ARHGAP15: variants seen among roughly 807,000 people sequenced by gnomAD.
The protein encoded by ARHGAP15 is rho GTPase-activating protein 15.
In ARHGAP15, 51 loss-of-function variants were observed where a neutral mutation model predicts 63.7. That is an observed-to-expected ratio of 0.80 (90% CI 0.64 to 1.01). The LOEUF is 1.01. ARHGAP15 is among the 50% of genes least tolerant of loss of function. ARHGAP15 has a pLI of 0.00. For missense variants in ARHGAP15, 560 were observed against 564.6 expected, an observed-to-expected ratio of 0.99 and a Z score of 0.08; for synonymous variants, 191 against 193.8, an observed-to-expected ratio of 0.99 and a Z score of 0.12.
chr2:143,605,084 T>C (rs1184522760), intron 11 of ARHGAP15, among the ~76,000 whole-genome samples: 1 of 152,128 alleles, frequency 6.6e-6, no homozygotes. Flanking sequence ...AAGTTTTGTA[T>C]TTTTAGTAGA....
chr2:143,318,535 T>TC (rs1553463280), intron 6 of ARHGAP15, among the ~76,000 whole-genome samples: 44 of 123,394 alleles, frequency 3.6e-4, no homozygotes, highest in African/African-American at 8.2e-4. Context: ...TTTTTTTTTT[T>TC]CGAACAGTCA....
chr2:143,498,345 C>A (rs1692911162), intron 9 of ARHGAP15, among the ~76,000 whole-genome samples: 1 of 152,052 alleles, frequency 6.6e-6, no homozygotes, highest in African/African-American at 2.4e-5. Context: ...ATTTTCTATT[C>A]TTCTCTGTGG....
At chr2:143,559,564 T>C (rs1284640338) in intron 11 of ARHGAP15, among the ~76,000 whole-genome samples, 3 of 152,240 alleles carry the variant, frequency 2.0e-5, no homozygotes. Flanking sequence ...ATAAGTGAAA[T>C]GCATATACCA....
intron 13 of ARHGAP15, among the ~76,000 whole-genome samples, chr2:143,751,632 C>T (rs1686377889): frequency 6.6e-6 from 1 of 152,146 alleles, no homozygotes; most frequent in East Asian, 1.9e-4. Flanking sequence ...TCGAGACTCC[C>T]CTCATCCTCA....
In ARHGAP15 at chr2:143,204,979, G is replaced by A. The variant is rs538064394; in HGVS notation, c.234+2777G>A. On this transcript the variant is annotated intron_variant, in intron 3 of 13. Transcript: ENST00000295095. The stretch of plus-strand genomic sequence containing the variant: ...CAAAAACAAACAAACAAAACCCATA[G>A]TGGCCAGGTGTGGTGGCTCATGCCT... Among the ~76,000 whole-genome samples, 6 of 151,806 alleles carry A rather than the reference G, an allele frequency of 4.0e-5. No individual in the cohort carries two copies. The South Asian group carries it at 1.0e-3, about 26-fold the overall frequency.
intron 9 of ARHGAP15, among the ~76,000 whole-genome samples, chr2:143,497,513 G>A (rs765885983): frequency 1.1e-4 from 16 of 152,198 alleles, no homozygotes; most frequent in Admixed American, 7.9e-4. Flanking sequence ...TTCTTGTACC[G>A]CATAGTTCCC....
At chr2:143,510,208 G>A (rs761605743) in intron 9 of ARHGAP15, among the ~76,000 whole-genome samples, 6 of 151,906 alleles carry the variant, frequency 3.9e-5, no homozygotes, top group Admixed American at 6.6e-5. Context: ...TCCAATATCC[G>A]CTGCCTCTCT....
At chr2:143,581,643 G>A (rs1016582681) in intron 11 of ARHGAP15, among the ~76,000 whole-genome samples, 2 of 152,082 alleles carry the variant, frequency 1.3e-5, no homozygotes, top group African/African-American at 4.8e-5. Flanking sequence ...TACCTCTACT[G>A]CCTGGCAAAG....
At chr2:143,651,931 T>A (rs1013039743) in intron 12 of ARHGAP15, among the ~76,000 whole-genome samples, 1 of 152,044 alleles carries the variant, frequency 6.6e-6, no homozygotes, top group Non-Finnish European at 1.5e-5. Flanking sequence ...TATAGAGTTT[T>A]GAGAGTTATT....
chr2:143,176,754 C>A (rs1010185727), intron 2 of ARHGAP15, among the ~76,000 whole-genome samples: 1 of 152,238 alleles, frequency 6.6e-6, no homozygotes, highest in African/African-American at 2.4e-5. Flanking sequence ...GCAGGATTCA[C>A]AAGGCAAGGC....
At chr2:143,145,998 A>G (rs1046140937) in intron 1 of ARHGAP15, among the ~76,000 whole-genome samples, 1 of 151,738 alleles carries the variant, frequency 6.6e-6, no homozygotes, top group African/African-American at 2.4e-5. Flanking sequence ...TAAAGTTGAA[A>G]CAACTCATTT....
intron 2 of ARHGAP15, among the ~76,000 whole-genome samples, chr2:143,182,485 G>T (rs1419033580): frequency 6.6e-6 from 1 of 152,174 alleles, no homozygotes; most frequent in Non-Finnish European, 1.5e-5. Flanking sequence ...TTTCCCTAAG[G>T]GGTGTGCATG....
chr2:143,645,729 T>C (rs1454180151), intron 12 of ARHGAP15, among the ~76,000 whole-genome samples: 1 of 152,086 alleles, frequency 6.6e-6, no homozygotes, highest in African/African-American at 2.4e-5. Context: ...GCGATACTAT[T>C]GAAGCATCAC....
intron 2 of ARHGAP15, among the ~76,000 whole-genome samples, chr2:143,178,034 A>C: frequency 6.6e-6 from 1 of 152,352 alleles, no homozygotes; most frequent in South Asian, 2.1e-4. Flanking sequence ...GGAATTAAAA[A>C]AATTTTTAAG....
At chr2:143,525,163 G>T (rs1313843209) in intron 10 of ARHGAP15, among the ~76,000 whole-genome samples, 1 of 152,020 alleles carries the variant, frequency 6.6e-6, no homozygotes. Context: ...TATTATAGTT[G>T]GATCCAGGCA....
At chr2:143,270,259 T>C (rs988415030) in intron 6 of ARHGAP15, among the ~76,000 whole-genome samples, 1 of 152,244 alleles carries the variant, frequency 6.6e-6, no homozygotes, top group Non-Finnish European at 1.5e-5. Flanking sequence ...ACATATTTTT[T>C]ATGAAACTTC....
chr2:143,175,595 C>T (rs1331009055), intron 2 of ARHGAP15, among the ~76,000 whole-genome samples: 1 of 152,142 alleles, frequency 6.6e-6, no homozygotes, highest in East Asian at 1.9e-4. Flanking sequence ...CCGCATAGCA[C>T]AGTGAAGAAA....
At chr2:143,185,745 A>C (rs1691421995) in intron 2 of ARHGAP15, among the ~76,000 whole-genome samples, 1 of 152,190 alleles carries the variant, frequency 6.6e-6, no homozygotes, top group South Asian at 2.1e-4. Context: ...TTCATAAACC[A>C]GGTAAAAGTG....
intron 11 of ARHGAP15, among the ~76,000 whole-genome samples, chr2:143,557,802 C>T (rs1304588841): frequency 7.2e-5 from 11 of 151,732 alleles, no homozygotes; most frequent in East Asian, 3.9e-4. Context: ...TCTATTAATT[C>T]GAAAAGTAAA....
Sources: allele counts gnomAD v4.1 joint callset (sites outside exome capture counted in the v4.1 genomes callset), GRCh38; gene constraint gnomAD v4.1.1; transcripts MANE v1.5; gene names NCBI Gene and HGNC (gene_info 2026-07-23, HGNC 2026-07-21).